Variants in CDH8 observed in about 807,000 individuals in gnomAD.
CDH8 encodes the protein cadherin-8.
In CDH8, 17 loss-of-function variants were observed where a neutral mutation model predicts 68.1. The ratio of observed to expected loss-of-function variants is 0.25; its 90% CI spans 0.17 to 0.37. The LOEUF (loss-of-function observed/expected upper bound fraction) is 0.37, where lower values mean the gene tolerates loss of function less well. Among genes scored for constraint, CDH8 ranks in the 10% least tolerant of loss-of-function variants. CDH8 has a pLI of 1.00. For synonymous variants in CDH8, 372 were observed against 365.1 expected (o/e 1.02, Z -0.21); for missense variants, 763 against 999.3 (o/e 0.76, Z 3.19).
intron 10 of CDH8, chr16:61,693,625 G>C (rs752546967): frequency 6.6e-6 from 1 of 152,116 alleles, no homozygotes; most frequent in Admixed American, 6.5e-5. Context: ...TCTTGTTGTT[G>C]TTATTATTAT....
intron 8 of CDH8, among the ~76,000 whole-genome samples, chr16:61,768,350 C>T (rs1469720454): frequency 1.8e-5 from 2 of 112,254 alleles, no homozygotes; most frequent in African/African-American, 7.3e-5. Context: ...CTCTCTCTCT[C>T]TCTCTCTCTC....
In CDH8 at chr16:61,723,925, C is replaced by T. The variant is rs549535336; in HGVS notation, c.1536+3169G>A. On this transcript the variant is annotated intron_variant, in intron 9 of 11. Coordinates refer to ENST00000577390, the MANE Select transcript of CDH8 (RefSeq NM_001796.5). ...GACTATATCACCACTGAATTAGAGT[C>T]TAAAGATGTATACCATCTTAAGTCT... is the stretch of plus-strand genomic sequence containing the variant. Among the ~76,000 whole-genome samples, 8 of 150,550 alleles carry T rather than the reference C, an allele frequency of 5.3e-5. No individual in the cohort carries two copies. The East Asian group carries it at 7.8e-4, about 15-fold the overall frequency.
rs1459989498 is a variant in CDH8, at chr16:61,810,403, AT to A, written c.1277+7075del. ...CAGAATTCTAAGGTCCCTGCATCAC[AT>A]ATTATTTATTATTCCTCTAAGGAAA... On this transcript the variant is annotated intron_variant, in intron 7 of 11. Coordinates refer to ENST00000577390, the MANE Select transcript of CDH8 (RefSeq NM_001796.5). 1.4e-4 allele frequency among the ~76,000 whole-genome samples: 21 copies of A among 152,268 alleles called. 1 individual carries two copies. Among genetic ancestry groups the A allele is most frequent in the African/African-American group, 5.1e-4 (21 of 41,556 alleles).
intron 10 of CDH8, among the ~76,000 whole-genome samples, chr16:61,666,776 A>T (rs996026719): frequency 1.3e-5 from 2 of 152,156 alleles, no homozygotes; most frequent in East Asian, 1.9e-4. Flanking sequence ...TGGACAAGAG[A>T]TTTAATTAAG....
intron 3 of CDH8, among the ~76,000 whole-genome samples, chr16:61,865,051 C>T (rs1206269023): frequency 6.6e-6 from 1 of 152,134 alleles, no homozygotes; most frequent in African/African-American, 2.4e-5. Context: ...GGCCTACTCG[C>T]TGCTCACTGG....
intron 9 of CDH8, among the ~76,000 whole-genome samples, chr16:61,717,347 C>T (rs1046821855): frequency 6.6e-6 from 1 of 151,550 alleles, no homozygotes; most frequent in Non-Finnish European, 1.5e-5. Flanking sequence ...GAGGAGCAGA[C>T]TCTGTTCTAT....
intron 2 of CDH8, among the ~76,000 whole-genome samples, chr16:61,981,572 A>C (rs1384259683): frequency 2.6e-5 from 4 of 152,052 alleles, no homozygotes; most frequent in Non-Finnish European, 4.4e-5. Context: ...TAATCCCTTC[A>C]CTTTTTGTAG....
intron 8 of CDH8, among the ~76,000 whole-genome samples, chr16:61,733,241 T>C (rs1420344243): frequency 6.6e-6 from 1 of 151,814 alleles, no homozygotes; most frequent in Admixed American, 6.6e-5. Flanking sequence ...TGCTAAGCCC[T>C]GGAAGAACCA....
intron 8 of CDH8, among the ~76,000 whole-genome samples, chr16:61,759,505 C>CA (rs1567457171): frequency 1.3e-5 from 2 of 151,948 alleles, no homozygotes; most frequent in African/African-American, 4.8e-5. Context: ...TGTCTAGAGT[C>CA]AAAAGTCTAG....
At position 61,863,426 on chromosome 16, in the gene CDH8, C is replaced by A. The variant is rs925599979; in HGVS notation, c.548-6188G>T. 5.9e-5 allele frequency among the ~76,000 whole-genome samples: 9 copies of A among 152,198 alleles called. No individual in the cohort carries two copies. In the East Asian group the frequency reaches 1.7e-3, roughly 29 times the overall value. On this transcript the variant is annotated intron_variant, in intron 3 of 11. Coordinates refer to ENST00000577390, the MANE Select transcript of CDH8 (RefSeq NM_001796.5). ...TTTGCTGATAAACTAAGATGAAAGA[C>A]CTTCAGGAAAATGAGATGTTGGGGT... is the stretch of plus-strand genomic sequence containing the variant.
intron 8 of CDH8, among the ~76,000 whole-genome samples, chr16:61,763,351 C>T (rs575954438): frequency 1.3e-5 from 2 of 152,276 alleles, no homozygotes; most frequent in East Asian, 3.9e-4. Flanking sequence ...ACACTAAGCT[C>T]ATAACAGGAA....
chr16:61,871,815 CAAAAAAAAAAAAAAAAAAA>C (rs144379377), intron 3 of CDH8, among the ~76,000 whole-genome samples: 9 of 43,346 alleles, frequency 2.1e-4, no homozygotes, highest in South Asian at 1.7e-3. Context: ...GTTCTATATG[CAAAAAAAAAAAAAAAAAAA>C]AAAAAAAAAA....
chr16:61,652,514 C>T lies in CDH8; in HGVS notation c.*1094G>A, dbSNP rs1312712192. On this transcript the variant is annotated 3_prime_UTR_variant, in exon 12 of 12. Coordinates refer to ENST00000577390, the MANE Select transcript of CDH8 (RefSeq NM_001796.5). ...AAGTTTGTCTGGGAAGATGCTGTTC[C>T]TGCCATCTCCAGTTACAATAACACT... is the stretch of plus-strand genomic sequence containing the variant. 2 of 1,010,040 alleles carry T rather than the reference C, an allele frequency of 2.0e-6. No individual in the cohort carries two copies. Among genetic ancestry groups the T allele is most frequent in the Admixed American group, 5.9e-5 (1 of 17,000 alleles). The allele number at this position is 1,010,040 out of a possible 1,614,324, so 62.6% of individuals were successfully genotyped here. A position where few individuals can be genotyped will look rare whatever the true frequency, so the allele number is the denominator to read the frequency against.
chr16:61,890,323 T>C (rs1222898301), intron 3 of CDH8, among the ~76,000 whole-genome samples: 1 of 152,142 alleles, frequency 6.6e-6, no homozygotes. Context: ...CTACTGTGAA[T>C]AGGCCTGGGA....
chr16:61,751,853 T>A (rs971412472), intron 8 of CDH8, among the ~76,000 whole-genome samples: 1 of 152,118 alleles, frequency 6.6e-6, no homozygotes, highest in East Asian at 1.9e-4. Context: ...CATTTAATTA[T>A]CCAATGATAT....
At chr16:61,687,685 C>G (rs74023218) in intron 10 of CDH8, among the ~76,000 whole-genome samples, 3,413 of 152,092 alleles carry the variant, frequency 0.022, 132 homozygotes, top group African/African-American at 0.076. Flanking sequence ...TTTCTGGAGT[C>G]AGACTTTTCG....
At chr16:61,739,719 C>G (rs1416301068) in intron 8 of CDH8, among the ~76,000 whole-genome samples, 1 of 129,182 alleles carries the variant, frequency 7.7e-6, no homozygotes, top group Non-Finnish European at 1.7e-5. Context: ...CAGAGCGAGA[C>G]TCTGCCTCAA....
intron 8 of CDH8, among the ~76,000 whole-genome samples, chr16:61,784,570 C>T (rs1380187036): frequency 7.2e-6 from 1 of 139,582 alleles, no homozygotes; most frequent in Non-Finnish European, 1.5e-5. Context: ...TTGAACTCAG[C>T]TCTGCACCAA....
Position 61,787,534 on chromosome 16 carries a change from G to C in CDH8, c.1414+1812C>G, listed in dbSNP as rs557311076. Among the ~76,000 whole-genome samples, 372 of 139,674 alleles carry C rather than the reference G, an allele frequency of 2.7e-3. 4 individuals carry two copies. The highest frequency in any genetic ancestry group is 0.024 in the Admixed American group (326 of 13,860). 91.6% of individuals were successfully genotyped at this position (139,674 alleles called of 152,430 possible). ...CAACCATTGTGGAAGTCAGTGTGGCGATTCCTCAGGGATCTAGAACTAGAA... is the reference window on the plus strand; with the variant it reads ...CAACCATTGTGGAAGTCAGTGTGGCCATTCCTCAGGGATCTAGAACTAGAA... On this transcript the variant is annotated intron_variant, in intron 8 of 11. Transcript: ENST00000577390.
Sources: gnomAD v4.1 joint callset for allele counts (sites outside exome capture counted in the v4.1 genomes callset) on GRCh38, gnomAD v4.1.1 for gene constraint, MANE v1.5 for transcripts, NCBI Gene and HGNC (gene_info 2026-07-23, HGNC 2026-07-21) for gene names.